SYT12: variants seen among roughly 807,000 people sequenced by gnomAD.
The protein encoded by SYT12 is synaptotagmin-12.
In SYT12, 27 loss-of-function variants were observed where a neutral mutation model predicts 39.5. The observed-to-expected ratio is 0.68, with a 90% confidence interval of 0.50 to 0.94. The LOEUF is 0.94. Among genes scored for constraint, SYT12 ranks in the 40% least tolerant of loss-of-function variants. The pLI is 0.00. For missense variants in SYT12, 536 were observed against 572.6 expected, an observed-to-expected ratio of 0.94 and a Z score of 0.65; for synonymous variants, 233 against 239.7, an observed-to-expected ratio of 0.97 and a Z score of 0.26.
chr11:67,020,202 C>T (rs1425655536), upstream of SYT12, among the ~76,000 whole-genome samples: 1 of 152,104 alleles, frequency 6.6e-6, no homozygotes, highest in African/African-American at 2.4e-5. Flanking sequence ...ACGGAGGAAG[C>T]TGTTGGTGAG....
rs376206636 is a variant in SYT12, at chr11:67,043,552, T to C, written c.622-86T>C. The C allele has an allele frequency of 6.3e-6, 8 of 1,267,298 alleles. No individual in the cohort carries two copies. The African/African-American group carries it at 1.2e-4, about 19-fold the overall frequency. The allele number at this position is 1,267,298 out of a possible 1,614,324, so 78.5% of individuals were successfully genotyped here. On this transcript the variant is annotated intron_variant, in intron 4 of 7. Transcript: ENST00000527043. ...AGACAACAGAGCCAGGACTCTAGCCTGGGCCTCTGGACTCCCTGTCCAGTG... is the reference window on the plus strand; with the variant it reads ...AGACAACAGAGCCAGGACTCTAGCCCGGGCCTCTGGACTCCCTGTCCAGTG...
At chr11:67,026,224 G>C (rs948642390) in intron 1 of SYT12, among the ~76,000 whole-genome samples, 5 of 152,082 alleles carry the variant, frequency 3.3e-5, no homozygotes, top group Admixed American at 3.3e-4. Flanking sequence ...TGTTGGAGTC[G>C]GGGGATGCAA....
chr11:67,017,339 T>C (rs138904484), intron 3 of SYT12, among the ~76,000 whole-genome samples: 8 of 150,840 alleles, frequency 5.3e-5, no homozygotes, highest in African/African-American at 1.2e-4. Flanking sequence ...CCGGGTAACA[T>C]AGGGAGACCC....
intron 3 of SYT12, among the ~76,000 whole-genome samples, chr11:67,013,956 A>G (rs1950033867): frequency 6.6e-6 from 1 of 152,192 alleles, no homozygotes. Flanking sequence ...GGGGGCTGCC[A>G]GCAACCCTTG....
At chr11:67,017,671 T>A (rs994448559) in intron 3 of SYT12, among the ~76,000 whole-genome samples, 10 of 148,078 alleles carry the variant, frequency 6.8e-5, no homozygotes, top group African/African-American at 2.5e-4. Context: ...CAACAAAAAA[T>A]TTTAAAGGCC....
Position 67,038,134 on chromosome 11 carries a change from G to A in SYT12, c.229-1677G>A, listed in dbSNP as rs114184503. Among the ~76,000 whole-genome samples, 718 of 149,178 alleles carry A rather than the reference G, an allele frequency of 4.8e-3. 4 individuals carry two copies. Among genetic ancestry groups the A allele is most frequent in the African/African-American group, 0.017 (663 of 39,838 alleles). ...TTCTCAAATCCCAAGGTCAATTTAG[G>A]GAAAATAAAACTATTTATTTATTTA... is the stretch of plus-strand genomic sequence containing the variant. On this transcript the variant is annotated intron_variant, in intron 3 of 7. Coordinates refer to ENST00000527043, the MANE Select transcript of SYT12 (RefSeq NM_177963.4).
intron 1 of SYT12, among the ~76,000 whole-genome samples, chr11:67,024,212 G>A (rs542184852): frequency 6.6e-6 from 1 of 152,364 alleles, no homozygotes; most frequent in East Asian, 1.9e-4. Flanking sequence ...AAAAGCCTGG[G>A]AAAGCTGCAC....
intron 7 of SYT12, among the ~76,000 whole-genome samples, chr11:67,046,514 T>C (rs1854557585): frequency 6.6e-6 from 1 of 152,238 alleles, no homozygotes; most frequent in Non-Finnish European, 1.5e-5. Context: ...GCCCCAGGGC[T>C]GTACAGAACC....
chr11:67,041,732 A>G (rs1483436582), intron 4 of SYT12, among the ~76,000 whole-genome samples: 8 of 152,202 alleles, frequency 5.3e-5, no homozygotes, highest in Admixed American at 5.2e-4. Context: ...TCATCCCGCA[A>G]CAATACTGCA....
upstream of SYT12, among the ~76,000 whole-genome samples, chr11:67,018,414 CT>C (rs1950076343): frequency 6.6e-6 from 1 of 151,768 alleles, no homozygotes; most frequent in African/African-American, 2.4e-5. Context: ...AGTCCCAGCT[CT>C]TTAGGAGGCT....
At position 67,044,616 on chromosome 11, in the gene SYT12, C is replaced by T. The variant is rs1006774347; in HGVS notation, c.861C>T (p.Ile287=). The T allele has an allele frequency of 8.7e-6, 14 of 1,613,170 alleles. No homozygotes were observed. The highest frequency in any genetic ancestry group is 1.1e-5 in the Non-Finnish European group (13 of 1,179,938). Residue 287 remains isoleucine (I), a synonymous_variant, in exon 6 of 8, where the codon ATC becomes ATT. Transcript: ENST00000527043. ...QNKAADAVGE[I]LLSLSYLPTA... ...AGGCCGCCGATGCTGTGGGGGAGAT[C>T]CTGCTCTCCCTCAGCTACCTCCCCA...
rs144238866 is a variant in SYT12 at position 67,049,095 on chromosome 11, A to C, written c.*338A>C. On this transcript the variant is annotated 3_prime_UTR_variant, in exon 8 of 8. Transcript: ENST00000527043. ...GCCAGGCACTGTGCTAGGCACCAGCAGGGGTAACACGAAGAAGACCCGGCC... is the reference window on the plus strand; with the variant it reads ...GCCAGGCACTGTGCTAGGCACCAGCCGGGGTAACACGAAGAAGACCCGGCC... 1.7e-5 allele frequency: 4 copies of C among 230,004 alleles called. No homozygotes were observed. Among genetic ancestry groups the C allele is most frequent in the African/African-American group, 8.8e-5 (4 of 45,296 alleles). The allele number at this position is 230,004 out of a possible 1,614,324, so 14.2% of individuals were successfully genotyped here. A position where few individuals can be genotyped will look rare whatever the true frequency, so the allele number is the denominator to read the frequency against.
chr11:67,017,734 T>G (rs1324824619), intron 3 of SYT12, among the ~76,000 whole-genome samples: 4 of 149,784 alleles, frequency 2.7e-5, no homozygotes, highest in Non-Finnish European at 4.4e-5. Flanking sequence ...CCAAGACGGG[T>G]GGATCACCTG....
chr11:67,011,255 G>T (rs12284296), intron 3 of SYT12, among the ~76,000 whole-genome samples: 5,600 of 151,896 alleles, frequency 0.037, 332 homozygotes, highest in African/African-American at 0.13. Flanking sequence ...TTTCTTTTTT[G>T]TTTTGAGACG....
Position 67,034,856 on chromosome 11 carries a change from G to A in SYT12, c.228+18G>A, listed in dbSNP as rs1356227618. On this transcript the variant is annotated intron_variant, in intron 3 of 7. Transcript: ENST00000527043. The stretch of plus-strand genomic sequence containing the variant: ...GGGAGAAGGTGAGGCTTCTGCTCCT[G>A]CAGGTGCACAGCGAGTGCAACCCCA... The A allele has an allele frequency of 2.0e-6, 3 of 1,511,816 alleles. No homozygotes were observed. Among genetic ancestry groups the A allele is most frequent in the South Asian group, 1.3e-5 (1 of 74,884 alleles). The allele number at this position is 1,511,816 out of a possible 1,614,324, so 93.7% of individuals were successfully genotyped here.
intron 3 of SYT12, 21 bp from the exon 4 acceptor site, chr11:67,039,790 G>C (rs377450521): frequency 6.9e-6 from 11 of 1,587,304 alleles, no homozygotes. Flanking sequence ...ATGCTCCCAC[G>C]TCCCTCTTTC....
intron 1 of SYT12, among the ~76,000 whole-genome samples, chr11:67,023,810 T>C (rs939730060): frequency 2.0e-5 from 3 of 152,214 alleles, no homozygotes; most frequent in Non-Finnish European, 4.4e-5. Context: ...TGCTCTGGCT[T>C]CGCACCCCCT....
Position 67,039,972 on chromosome 11 carries a change from G to C in SYT12, c.390G>C (p.Lys130Asn). The C allele has an allele frequency of 6.2e-7, 1 of 1,613,780 alleles. No individual in the cohort carries two copies. The highest frequency in any genetic ancestry group is 8.5e-7 in the Non-Finnish European group (1 of 1,180,040). ...TGGCCCCCTATGGGACCCTCCGGAA[G>C]TCCCAGTCGGCCGACTCCCTGAACT... ...LDLAPYGTLR[K>N]SQSADSLNSI... Residue 130 changes from lysine to asparagine, a missense_variant, in exon 4 of 8, where the codon AAG becomes AAC. Physicochemically the swap from Lys to Asn is moderately conservative, Grantham distance 94 (BLOSUM62 0). Transcript: ENST00000527043.
rs772443977 is a variant in SYT12, at chr11:67,030,212, G to A, written c.34+34G>A. ...CCAGGGCAAACCCCTCCTGGATCAC[G>A]CCTGCGAGACCCTTACACCAGGCCT... On this transcript the variant is annotated intron_variant, in intron 2 of 7. Coordinates refer to ENST00000527043, the MANE Select transcript of SYT12 (RefSeq NM_177963.4). 7.4e-6 allele frequency: 12 copies of A among 1,613,032 alleles called. No individual in the cohort carries two copies. The Admixed American group carries it at 8.3e-5, about 11-fold the overall frequency.
Sources: gnomAD v4.1 joint callset for allele counts (sites outside exome capture counted in the v4.1 genomes callset) on GRCh38, gnomAD v4.1.1 for gene constraint, MANE v1.5 for transcripts, NCBI Gene and HGNC (gene_info 2026-07-23, HGNC 2026-07-21) for gene names.